The following FGD6 variants were observed in gnomAD, a reference collection of about 807,000 sequenced individuals.
FGD6 encodes the protein FYVE, RhoGEF and PH domain-containing protein 6.
In FGD6, 90 loss-of-function variants were observed where a neutral mutation model predicts 149.4. The observed-to-expected ratio is 0.60, with a 90% CI of 0.51 to 0.72. The LOEUF is 0.72. FGD6 is among the 30% of genes least tolerant of loss of function. FGD6 has a pLI of 0.00. For synonymous variants in FGD6, 527 were observed against 584.0 expected, an observed-to-expected ratio of 0.90 and a Z score of 1.41; for missense variants, 1,437 against 1,684.8, an observed-to-expected ratio of 0.85 and a Z score of 2.57.
In FGD6 at chr12:95,156,404, A is replaced by G. The variant is rs191159859; in HGVS notation, c.2587-3411T>C. Among the ~76,000 whole-genome samples the G allele has an allele frequency of 6.2e-3, 947 of 152,094 alleles. 16 individuals are homozygous for G. Among genetic ancestry groups the G allele is most frequent in the African/African-American group, 0.022 (897 of 41,510 alleles). On this transcript the variant is annotated intron_variant, in intron 3 of 20. Transcript: ENST00000343958. ...TGGTCAAGCTGTAGGGATGAAATAA[A>G]CCCCAGTCTCCCATAGCGCTCCCAG...
chr12:95,198,408 G>A (rs572467120), intron 2 of FGD6, among the ~76,000 whole-genome samples: 2 of 152,218 alleles, frequency 1.3e-5, no homozygotes, highest in African/African-American at 2.4e-5. Context: ...CTGGCATATC[G>A]GAAATCTTGA....
At chr12:95,208,555 G>C (rs1472728860) in intron 2 of FGD6, among the ~76,000 whole-genome samples, 2 of 152,108 alleles carry the variant, frequency 1.3e-5, no homozygotes, top group African/African-American at 4.8e-5. Context: ...CTGGTGTCTG[G>C]AGGCCCAGGA....
chr12:95,130,563 T>C (rs1879490249), intron 8 of FGD6, among the ~76,000 whole-genome samples: 1 of 152,184 alleles, frequency 6.6e-6, no homozygotes, highest in Non-Finnish European at 1.5e-5. Context: ...AAGATGCAAA[T>C]TTAAGACTTA....
At chr12:95,166,463 C>T (rs1880821149) in intron 3 of FGD6, among the ~76,000 whole-genome samples, 2 of 152,228 alleles carry the variant, frequency 1.3e-5, no homozygotes, top group Admixed American at 6.5e-5. Context: ...AATCCCAACA[C>T]TTTGGGAGGC....
chr12:95,117,591 TAA>T (rs1319380466), intron 8 of FGD6, among the ~76,000 whole-genome samples: 1 of 152,080 alleles, frequency 6.6e-6, no homozygotes, highest in African/African-American at 2.4e-5. Context: ...CACGTTGGGC[TAA>T]GTTTTTGATT....
chr12:95,097,402 G>A (rs1174803672), intron 14 of FGD6, among the ~76,000 whole-genome samples: 5 of 152,062 alleles, frequency 3.3e-5, no homozygotes, highest in Non-Finnish European at 7.4e-5. Flanking sequence ...TTGGGAGGCC[G>A]AGGAGGGTGG....
intron 19 of FGD6, among the ~76,000 whole-genome samples, chr12:95,084,958 C>G (rs1387688752): frequency 6.6e-6 from 1 of 152,156 alleles, no homozygotes; most frequent in African/African-American, 2.4e-5. Flanking sequence ...ATGCAGAAAA[C>G]AGCTCAGAAA....
chr12:95,100,732 G>T, intron 14 of FGD6: 1 of 520,620 alleles, frequency 1.9e-6, no homozygotes, highest in South Asian at 1.5e-5. Flanking sequence ...CAGTGCTGAG[G>T]ACCATCTTGC....
At position 95,082,984 on chromosome 12, in the gene FGD6, T is replaced by TTAAAAAAAAAAAAAAA. The variant is rs1386719189; in HGVS notation, c.4257-1429_4257-1428insTTTTTTTTTTTTTTTA. On this transcript the variant is annotated intron_variant, in intron 20 of 20. Transcript: ENST00000343958. Reference sequence around the variant, plus strand: ...CAACATTGCTAGACTCTGTCTCCATTAAAAAAAAAAAAAAAAAAAAAAAAA... The same window carrying TTAAAAAAAAAAAAAAA: ...CAACATTGCTAGACTCTGTCTCCATTTAAAAAAAAAAAAAAAAAAAAAAAAAAAAAAAAAAAAAAAA... Among the ~76,000 whole-genome samples, 6 of 31,130 alleles carry TTAAAAAAAAAAAAAAA rather than the reference T, an allele frequency of 1.9e-4. 1 individual carries two copies. The highest frequency in any genetic ancestry group is 6.4e-4 in the Admixed American group (1 of 1,566). 20.4% of individuals were successfully genotyped at this position (31,130 alleles called of 152,430 possible).
Position 95,086,745 on chromosome 12 carries a change from A to G in FGD6, c.3979-837T>C, listed in dbSNP as rs112529281. On this transcript the variant is annotated intron_variant, in intron 18 of 20. Coordinates refer to ENST00000343958, the MANE Select transcript of FGD6 (RefSeq NM_018351.4). ...ATATTTTTAGTAGAGATGGGGTTTC[A>G]TCATGTTAGCCAGGATGGTCTCCAT... 6.9e-3 allele frequency among the ~76,000 whole-genome samples: 991 copies of G among 144,644 alleles called. 15 individuals are homozygous for G. Among genetic ancestry groups the G allele is most frequent in the African/African-American group, 0.024 (923 of 38,746 alleles). The allele number at this position is 144,644 out of a possible 152,430, so 94.9% of individuals were successfully genotyped here.
At chr12:95,164,264 C>T (rs7136967) in intron 3 of FGD6, among the ~76,000 whole-genome samples, 89,524 of 143,614 alleles carry the variant, frequency 0.62, 27,946 homozygotes, top group Admixed American at 0.66. Context: ...TTTTTTGAGA[C>T]GGAGTCTCGC....
rs1381258492 is a variant in FGD6 at position 95,210,438 on chromosome 12, A to G, written c.846T>C (p.Thr282=). ...LEALENGKRS[T]LISSDGVSKK... ...TACTAACTCCATCTGAAGATATTAA[A>G]GTACTCCTTTTCCCATTTTCCAGAG... Residue 282 remains threonine (T), a synonymous_variant, in exon 2 of 21, where the codon ACT becomes ACC. Transcript: ENST00000343958. The G allele has an allele frequency of 6.2e-7, 1 of 1,614,020 alleles. No individual in the cohort carries two copies. The highest frequency in any genetic ancestry group is 8.5e-7 in the Non-Finnish European group (1 of 1,180,034).
intron 9 of FGD6, among the ~76,000 whole-genome samples, chr12:95,110,268 A>G (rs1424843505): frequency 2.0e-5 from 3 of 151,184 alleles, no homozygotes; most frequent in Non-Finnish European, 4.4e-5. Context: ...GAGCCACCAC[A>G]CCCGGCCTGT....
chr12:95,156,736 T>G (rs1478640230), intron 3 of FGD6, among the ~76,000 whole-genome samples: 2 of 152,136 alleles, frequency 1.3e-5, no homozygotes, highest in East Asian at 1.9e-4. Context: ...TCACAGAACC[T>G]GCCGACATGT....
rs368077081 is a variant in FGD6, at chr12:95,209,951, C to G, written c.1333G>C (p.Gly445Arg). 10 of 1,611,778 alleles carry G rather than the reference C, an allele frequency of 6.2e-6. No homozygotes were observed. The highest frequency in any genetic ancestry group is 8.5e-6 in the Non-Finnish European group (10 of 1,179,300). ...ATAGATACAGTACATCTTATAAAAC[C>G]GGTCCCTTCGTCCACAGCAAGCGAC... ...SMSLAVDEGTGFIRCTVSMSL... is the reference protein window; with the variant it reads ...SMSLAVDEGTRFIRCTVSMSL... Residue 445 changes from glycine to arginine, a missense_variant, in exon 2 of 21, where the codon GGT becomes CGT. Gly to Arg is a moderately radical substitution (Grantham distance 125). Transcript: ENST00000343958.
chr12:95,212,217 G>A (rs963795870), intron 1 of FGD6, among the ~76,000 whole-genome samples: 46 of 152,146 alleles, frequency 3.0e-4, no homozygotes, highest in African/African-American at 1.1e-3. Flanking sequence ...CTACCCTAGA[G>A]TGAACTAGTT....
chr12:95,210,970 T>C lies in FGD6; in HGVS notation c.314A>G (p.Tyr105Cys). ...CKYEGNQSNDYISPMCSCSSE... is the reference protein window; with the variant it reads ...CKYEGNQSNDCISPMCSCSSE... Reference sequence around the variant, plus strand: ...ACTGCAGGAACACATTGGTGAAATATAATCATTGCTCTGATTGCCTTCATA... The same window carrying C: ...ACTGCAGGAACACATTGGTGAAATACAATCATTGCTCTGATTGCCTTCATA... Residue 105 changes from tyrosine to cysteine, a missense_variant, in exon 2 of 21, where the codon TAT becomes TGT. Around this residue, in one of 2 missense-constraint regions of FGD6, gnomAD observed 1,055 missense variants for 1,146.0 expected, o/e 0.92. Transcript: ENST00000343958. The C allele has an allele frequency of 1.2e-6, 2 of 1,614,268 alleles. No individual in the cohort carries two copies. Among genetic ancestry groups the C allele is most frequent in the South Asian group, 1.1e-5 (1 of 91,084 alleles).
At chr12:95,114,558 C>T (rs1878949651) in intron 8 of FGD6, among the ~76,000 whole-genome samples, 1 of 151,434 alleles carries the variant, frequency 6.6e-6, no homozygotes. Flanking sequence ...TATCTGACCC[C>T]AAATATCAAT....
In FGD6 at chr12:95,157,885, G is replaced by T. The variant is rs552671365; in HGVS notation, c.2587-4892C>A. Among the ~76,000 whole-genome samples, 8 of 152,174 alleles carry T rather than the reference G, an allele frequency of 5.3e-5. No individual in the cohort carries two copies. In the East Asian group the frequency reaches 1.6e-3, roughly 29 times the overall value. On this transcript the variant is annotated intron_variant, in intron 3 of 20. Coordinates refer to ENST00000343958, the MANE Select transcript of FGD6 (RefSeq NM_018351.4). ...TTGTTTTGAGACAGAGTCTCGTTCT[G>T]TCGCCAGGCTGGAGTGCAGTGGTGC... is the stretch of plus-strand genomic sequence containing the variant.
Sources: gnomAD v4.1 joint callset for allele counts (sites outside exome capture counted in the v4.1 genomes callset) on GRCh38, gnomAD v4.1.1 for gene constraint, gnomAD v4.1.1 regional missense constraint, MANE v1.5 for transcripts, NCBI Gene and HGNC (gene_info 2026-07-23, HGNC 2026-07-21) for gene names.